PDS5B: variants seen among roughly 807,000 people sequenced by gnomAD.
PDS5B encodes the protein sister chromatid cohesion protein PDS5 homolog B.
Under a neutral mutation model 184.1 loss-of-function variants are expected in PDS5B, and 51 were observed. That is an observed-to-expected ratio of 0.28 (90% CI 0.22 to 0.35). The LOEUF (loss-of-function observed/expected upper bound fraction) is 0.35, where lower values mean the gene tolerates loss of function less well. Among genes scored for constraint, PDS5B ranks in the 10% least tolerant of loss-of-function variants. PDS5B has a pLI of 1.00. For synonymous variants in PDS5B, 566 were observed against 569.2 expected (o/e 0.99, Z 0.08); for missense variants, 1,180 against 1,723.3 (o/e 0.68, Z 5.58).
At position 32,667,857 on chromosome 13, in the gene PDS5B, T is replaced by G. The variant is rs754853141; in HGVS notation, c.705+13T>G. ...ATATATTACCAATGTAAGTCTTACT[T>G]GTAATTGGTTGTCAGAAGGATTAAA... On this transcript the variant is annotated intron_variant, in intron 7 of 34. Transcript: ENST00000315596. The G allele has an allele frequency of 6.9e-7, 1 of 1,451,104 alleles. No individual in the cohort carries two copies. The highest frequency in any genetic ancestry group is 1.3e-5 in the South Asian group (1 of 78,578). 89.9% of individuals were successfully genotyped at this position (1,451,104 alleles called of 1,614,324 possible).
At chr13:32,628,816 A>G (rs2058411111) in intron 1 of PDS5B, among the ~76,000 whole-genome samples, 1 of 152,138 alleles carries the variant, frequency 6.6e-6, no homozygotes, top group Admixed American at 6.5e-5. Flanking sequence ...ATTCCATGGT[A>G]AAGATTTACC....
chr13:32,612,431 T>A (rs903229805), intron 1 of PDS5B, among the ~76,000 whole-genome samples: 1 of 152,192 alleles, frequency 6.6e-6, no homozygotes, highest in African/African-American at 2.4e-5. Flanking sequence ...GTTAACTAAT[T>A]TAAAAGCTGA....
At chr13:32,724,937 G>A (rs1338754214) in intron 19 of PDS5B, among the ~76,000 whole-genome samples, 2 of 152,064 alleles carry the variant, frequency 1.3e-5, no homozygotes, top group Admixed American at 1.3e-4. Flanking sequence ...TTGGATTCTG[G>A]TTCAACTTTT....
At chr13:32,586,792 G>C (rs2140447300) in intron 1 of PDS5B, among the ~76,000 whole-genome samples, 199 bp downstream of exon 1, 1 of 146,980 alleles carries the variant, frequency 6.8e-6, no homozygotes, top group Admixed American at 6.7e-5. Flanking sequence ...CCGGGGCGGG[G>C]GTCGCGGGGC....
At chr13:32,597,352 C>A (rs532178067) in intron 1 of PDS5B, among the ~76,000 whole-genome samples, 1 of 151,552 alleles carries the variant, frequency 6.6e-6, no homozygotes, top group Non-Finnish European at 1.5e-5. Flanking sequence ...CCTTTAATTT[C>A]TTTTTCACAT....
At chr13:32,655,460 C>T (rs181334850) in intron 3 of PDS5B, among the ~76,000 whole-genome samples, 1 of 146,206 alleles carries the variant, frequency 6.8e-6, no homozygotes, top group East Asian at 2.0e-4. Flanking sequence ...CTCACTGCAA[C>T]CTCCGTTTCT....
At chr13:32,631,425 AC>A (rs1308508710) in intron 1 of PDS5B, among the ~76,000 whole-genome samples, 1 of 152,140 alleles carries the variant, frequency 6.6e-6, no homozygotes, top group Non-Finnish European at 1.5e-5. Context: ...ATTATCTAAC[AC>A]ATACATTGAC....
At chr13:32,596,820 A>G (rs1195360734) in intron 1 of PDS5B, among the ~76,000 whole-genome samples, 1 of 152,112 alleles carries the variant, frequency 6.6e-6, no homozygotes, top group South Asian at 2.1e-4. Context: ...CTTTCTGCCC[A>G]TTAAAAAATG....
chr13:32,604,569 A>G (rs1368751875), intron 1 of PDS5B, among the ~76,000 whole-genome samples: 1 of 152,210 alleles, frequency 6.6e-6, no homozygotes, highest in Non-Finnish European at 1.5e-5. Flanking sequence ...CTTTGGTGTC[A>G]GGATGATGTT....
In PDS5B at chr13:32,658,426, AT is replaced by A; in HGVS notation, c.400-3del. On this transcript the variant is annotated splice_region_variant and splice_polypyrimidine_tract_variant and intron_variant, in intron 4 of 34. Transcript: ENST00000315596. The stretch of plus-strand genomic sequence containing the variant: ...CTTAACTTTCACTTTTTTACACCTT[AT>A]TTTTAGAACATTGCTTGGGTCAAGT... The A allele has an allele frequency of 6.5e-7, 1 of 1,539,436 alleles. No homozygotes were observed. The highest frequency in any genetic ancestry group is 1.8e-4 in the Middle Eastern group (1 of 5,558).
At chr13:32,749,728 C>T (rs1953904229) in intron 24 of PDS5B, among the ~76,000 whole-genome samples, 1 of 151,948 alleles carries the variant, frequency 6.6e-6, no homozygotes, top group African/African-American at 2.4e-5. Context: ...TTTTGAGATA[C>T]TTTGTACTAG....
At chr13:32,674,015 A>G (rs1271350215) in intron 8 of PDS5B, among the ~76,000 whole-genome samples, 1 of 151,914 alleles carries the variant, frequency 6.6e-6, no homozygotes, top group East Asian at 1.9e-4. Context: ...GGGTTTCACC[A>G]TGTTGGCCAG....
chr13:32,624,118 C>G (rs1281067900), intron 1 of PDS5B, among the ~76,000 whole-genome samples: 3 of 152,090 alleles, frequency 2.0e-5, no homozygotes, highest in African/African-American at 7.2e-5. Context: ...CACAAAGGCC[C>G]TTTTACCAAT....
In PDS5B at chr13:32,753,315, T is replaced by G. The variant is rs768883464; in HGVS notation, c.2737-17T>G. ...GCTGCCATTTGAATAATATCTGGAA[T>G]AATTGTGTCTTTACAGGATGAATGC... On this transcript the variant is annotated splice_polypyrimidine_tract_variant and intron_variant, in intron 24 of 34. Coordinates refer to ENST00000315596, the MANE Select transcript of PDS5B (RefSeq NM_015032.4). 3 of 1,594,784 alleles carry G rather than the reference T, an allele frequency of 1.9e-6. No individual in the cohort carries two copies. The East Asian group carries it at 6.7e-5, about 36-fold the overall frequency.
chr13:32,716,901 C>T (rs1952457004), intron 19 of PDS5B, among the ~76,000 whole-genome samples: 1 of 106,736 alleles, frequency 9.4e-6, no homozygotes, highest in Non-Finnish European at 2.1e-5. Context: ...GGTGCCTTTG[C>T]CTGGCCGCCC....
At chr13:32,588,535 G>A (rs1296532434) in intron 1 of PDS5B, among the ~76,000 whole-genome samples, 1 of 152,160 alleles carries the variant, frequency 6.6e-6, no homozygotes, top group Non-Finnish European at 1.5e-5. Context: ...GGAAGGTAGT[G>A]TTTGTCTTGG....
At chr13:32,593,588 G>A (rs753788713) in intron 1 of PDS5B, among the ~76,000 whole-genome samples, 1 of 152,180 alleles carries the variant, frequency 6.6e-6, no homozygotes, top group African/African-American at 2.4e-5. Context: ...TGATCCGCCC[G>A]CCTTGGCCTC....
intron 19 of PDS5B, among the ~76,000 whole-genome samples, chr13:32,727,529 A>C (rs575957087): frequency 6.6e-6 from 1 of 152,116 alleles, no homozygotes; most frequent in Non-Finnish European, 1.5e-5. Flanking sequence ...GGTCTGAAAA[A>C]GTCTTTATTT....
At chr13:32,659,745 T>TTG (rs1950597063) in intron 6 of PDS5B, among the ~76,000 whole-genome samples, 1 of 152,176 alleles carries the variant, frequency 6.6e-6, no homozygotes, top group South Asian at 2.1e-4. Context: ...TTGTATGTTT[T>TTG]TGTGTGTGTT....
Sources: allele counts gnomAD v4.1 joint callset (sites outside exome capture counted in the v4.1 genomes callset), GRCh38; gene constraint gnomAD v4.1.1; transcripts MANE v1.5; gene names NCBI Gene and HGNC (gene_info 2026-07-23, HGNC 2026-07-21).